Variants in NSUN7 observed in about 807,000 individuals in gnomAD.
The protein encoded by NSUN7 is protein NSUN7.
A neutral mutation model predicts 58.5 loss-of-function variants in NSUN7; 39 were observed. The ratio of observed to expected loss-of-function variants is 0.67; its 90% CI spans 0.52 to 0.87. The LOEUF is 0.87. Among genes scored for constraint, NSUN7 ranks in the 40% least tolerant of loss-of-function variants. The pLI, the probability that NSUN7 is intolerant of heterozygous loss-of-function variation, is 0.00. For synonymous variants in NSUN7, 278 were observed against 303.7 expected (o/e 0.92, Z 0.88); for missense variants, 765 against 844.1 (o/e 0.91, Z 1.16).
At chr4:40,786,645 A>G in intron 7 of NSUN7, 2 of 1,594,238 alleles carry the variant, frequency 1.3e-6, no homozygotes, top group Non-Finnish European at 1.7e-6. Flanking sequence ...TAAAGGAAGG[A>G]CTTGAGAAAC....
At chr4:40,759,328 T>TAAAA (rs1560545807) in intron 2 of NSUN7, among the ~76,000 whole-genome samples, 1 of 152,070 alleles carries the variant, frequency 6.6e-6, no homozygotes, top group African/African-American at 2.4e-5. Context: ...AATAAATAAA[T>TAAAA]AAAATAAAGC....
At chr4:40,763,293 T>C (rs768734172) in intron 4 of NSUN7, among the ~76,000 whole-genome samples, 3 of 152,200 alleles carry the variant, frequency 2.0e-5, no homozygotes, top group Non-Finnish European at 4.4e-5. Flanking sequence ...CTCTCTGTGT[T>C]AAATAAGTAA....
At chr4:40,776,497 T>A (rs1407941413) in intron 7 of NSUN7, 1 of 302,046 alleles carries the variant, frequency 3.3e-6, no homozygotes, top group African/African-American at 2.2e-5. Context: ...TTAGCTCACA[T>A]AATTTGAGGC....
Position 40,750,013 on chromosome 4 carries a change from C to CG in NSUN7, c.-376dup, listed in dbSNP as rs1307993122. ...TCCTCGGCCTGAGCCAGCCAGACCCCGGGCACCGCGCTCACCCCTCTTCGC... is the reference window on the plus strand; with the variant it reads ...TCCTCGGCCTGAGCCAGCCAGACCCCGGGGCACCGCGCTCACCCCTCTTCGC... On this transcript the variant is annotated 5_prime_UTR_variant, in exon 1 of 12. Coordinates refer to ENST00000381782, the MANE Select transcript of NSUN7 (RefSeq NM_024677.6). 6.6e-6 allele frequency: 1 copy of CG among 152,364 alleles called. No individual in the cohort carries two copies. Among genetic ancestry groups the CG allele is most frequent in the African/African-American group, 2.4e-5 (1 of 41,454 alleles). The allele number at this position is 152,364 out of a possible 1,614,324, so 9.4% of individuals were successfully genotyped here. A position where few individuals can be genotyped will look rare whatever the true frequency, so the allele number is the denominator to read the frequency against.
At chr4:40,760,207 T>G (rs558262672) in intron 2 of NSUN7, among the ~76,000 whole-genome samples, 4 of 152,344 alleles carry the variant, frequency 2.6e-5, no homozygotes, top group South Asian at 2.1e-4. Flanking sequence ...AGATAATGCT[T>G]CTTTAACTAT....
intron 7 of NSUN7, among the ~76,000 whole-genome samples, chr4:40,783,328 T>C (rs1742663732): frequency 6.6e-6 from 1 of 152,146 alleles, no homozygotes; most frequent in Non-Finnish European, 1.5e-5. Context: ...AAGAATAAAA[T>C]TGGATGCATA....
rs75373195 is a variant in NSUN7 at position 40,775,928 on chromosome 4, C to G, written c.826-121C>G. The G allele has an allele frequency of 5.2e-4, 287 of 555,204 alleles. 1 individual carries two copies. In the East Asian group the frequency reaches 7.7e-3, roughly 15 times the overall value. 34.4% of individuals were successfully genotyped at this position (555,204 alleles called of 1,614,324 possible). On this transcript the variant is annotated intron_variant, in intron 6 of 11. Transcript: ENST00000381782. The surrounding 1 kb of genome is among the most constrained non-coding windows in gnomAD (Gnocchi z 4.3). ...TTAGACATATATTAAGATGTTAAAA[C>G]TAAAATTGGTTAGGTCTCTAATATT...
Position 40,776,145 on chromosome 4 carries a change from T to G in NSUN7, c.922T>G (p.Ser308Ala), listed in dbSNP as rs2437323. Residue 308 changes from serine (S) to alanine (A), a missense_variant, in exon 7 of 12, where the codon TCC (serine) becomes GCC (alanine). Physicochemically the swap from Ser to Ala is moderately conservative, Grantham distance 99 (BLOSUM62 1). Coordinates refer to ENST00000381782, the MANE Select transcript of NSUN7 (RefSeq NM_024677.6). ...CAATACAGGCTCATGGTACACAGTT[T>G]CCCACATGTCAATTTTAACAAATAA... ...MVNTGSWYTVSHMSILTNNNT... is the reference protein window; with the variant it reads ...MVNTGSWYTVAHMSILTNNNT... The G allele has an allele frequency of 0.79, 1,267,469 of 1,603,058 alleles. 504,894 individuals carry two copies. The highest frequency in any genetic ancestry group is 0.87 in the African/African-American group (65,106 of 74,750).
At chr4:40,794,316 C>T (rs1577579305) in intron 8 of NSUN7, 59 bp from the exon 9 acceptor site, 9 of 874,392 alleles carry the variant, frequency 1.0e-5, no homozygotes, top group Admixed American at 9.5e-5. Context: ...ATGATGATAA[C>T]AATATGTAAA....
intron 7 of NSUN7, among the ~76,000 whole-genome samples, chr4:40,785,900 G>A (rs1403841602): frequency 1.3e-5 from 2 of 152,198 alleles, no homozygotes; most frequent in Non-Finnish European, 1.5e-5. Context: ...GGCGCGCGGC[G>A]CCTGCCAGGC....
chr4:40,802,181 C>T (rs904391626), intron 10 of NSUN7, among the ~76,000 whole-genome samples: 2 of 152,070 alleles, frequency 1.3e-5, no homozygotes, highest in Non-Finnish European at 2.9e-5. Flanking sequence ...CCCCCGTTCC[C>T]CTTTGGTTTA....
At chr4:40,787,817 G>A (rs935364691) in intron 7 of NSUN7, among the ~76,000 whole-genome samples, 4 of 152,096 alleles carry the variant, frequency 2.6e-5, no homozygotes, top group African/African-American at 9.7e-5. Flanking sequence ...ATGTCGATGA[G>A]GTTGCTCTTT....
In NSUN7 at chr4:40,770,313, G is replaced by A. The variant is rs200842196; in HGVS notation, c.489-3952G>A. Reference sequence around the variant, plus strand: ...GGTGATTTCTTCTGATGGGAACATCGTAGAACATACTTACACAAATCTAGA... The same window carrying A: ...GGTGATTTCTTCTGATGGGAACATCATAGAACATACTTACACAAATCTAGA... On this transcript the variant is annotated intron_variant, in intron 4 of 11. Transcript: ENST00000381782. Among the ~76,000 whole-genome samples the A allele has an allele frequency of 5.9e-5, 9 of 151,788 alleles. No individual in the cohort carries two copies. In the East Asian group the frequency reaches 9.6e-4, roughly 16 times the overall value.
At chr4:40,784,016 TGA>T (rs1742697249) in intron 7 of NSUN7, among the ~76,000 whole-genome samples, 1 of 152,164 alleles carries the variant, frequency 6.6e-6, no homozygotes, top group South Asian at 2.1e-4. Flanking sequence ...GATCTACAAA[TGA>T]CCAGTAAGCT....
intron 10 of NSUN7, among the ~76,000 whole-genome samples, chr4:40,801,876 C>T (rs1362526114): frequency 5.2e-5 from 7 of 135,494 alleles, no homozygotes; most frequent in Non-Finnish European, 6.2e-5. Context: ...CACTCCAGCC[C>T]GGGTGACAGA....
intron 11 of NSUN7, 148 bp downstream of exon 11, chr4:40,807,332 T>C: frequency 1.4e-6 from 1 of 710,162 alleles, no homozygotes; most frequent in South Asian, 2.1e-5. Context: ...GAACAAGAAT[T>C]GGCAAATAAG....
intron 10 of NSUN7, among the ~76,000 whole-genome samples, chr4:40,801,892 ACT>A: frequency 1.6e-5 from 2 of 125,058 alleles, no homozygotes; most frequent in South Asian, 5.3e-4. Flanking sequence ...ACAGAGGGAG[ACT>A]CTGTCTCAAA....
chr4:40,801,266 G>A (rs1042918766), intron 10 of NSUN7, among the ~76,000 whole-genome samples: 3 of 152,144 alleles, frequency 2.0e-5, no homozygotes, highest in African/African-American at 7.2e-5. Flanking sequence ...AGTGGGAGAA[G>A]GGTATTGTGA....
At chr4:40,755,837 C>T (rs764380088) in intron 2 of NSUN7, among the ~76,000 whole-genome samples, 4 of 152,198 alleles carry the variant, frequency 2.6e-5, no homozygotes, top group Admixed American at 6.5e-5. Flanking sequence ...AGAGACTAGA[C>T]GCAAGCTTCC....
Sources: allele counts gnomAD v4.1 joint callset (sites outside exome capture counted in the v4.1 genomes callset), GRCh38; gene constraint gnomAD v4.1.1; non-coding constraint Gnocchi (gnomAD v3.1); transcripts MANE v1.5; gene names NCBI Gene and HGNC (gene_info 2026-07-23, HGNC 2026-07-21).